SLC35D2: variants seen among roughly 807,000 people sequenced by gnomAD.
SLC35D2 encodes the protein solute carrier family 35 member D2, also known as nucleotide sugar transporter SLC35D2.
In SLC35D2, 43 loss-of-function variants were observed where a neutral mutation model predicts 41.8. The observed-to-expected ratio is 1.03, with a 90% CI of 0.81 to 1.33. The LOEUF (loss-of-function observed/expected upper bound fraction) is 1.33, where lower values mean the gene tolerates loss of function less well. SLC35D2 is among the 40% of genes most tolerant of loss of function. The probability of loss-of-function intolerance (pLI) is 0.00; values close to 1 mark genes in which losing one functional copy is unlikely to be tolerated. For missense variants in SLC35D2, 380 were observed against 408.4 expected, an observed-to-expected ratio of 0.93 and a Z score of 0.60; for synonymous variants, 150 against 163.9, an observed-to-expected ratio of 0.92 and a Z score of 0.65.
At position 96,383,569 on chromosome 9, in the gene SLC35D2, G is replaced by A. The variant is rs1456991417; in HGVS notation, c.66C>T (p.Pro22=). 3 of 1,483,956 alleles carry A rather than the reference G, an allele frequency of 2.0e-6. No homozygotes were observed. Among genetic ancestry groups the A allele is most frequent in the Non-Finnish European group, 2.7e-6 (3 of 1,116,532 alleles). 91.9% of individuals were successfully genotyped at this position (1,483,956 alleles called of 1,614,324 possible). A position where few individuals can be genotyped will look rare whatever the true frequency, so the allele number is the denominator to read the frequency against. ...AGGEPGAARL[P]SRVARLLSAL... is the part of the protein sequence containing the mutation. ...CCGACAGCAGCCGGGCCACCCGCGA[G>A]GGCAGCCGCGCCGCGCCGGGCTCCC... The change falls in exon 1 of 12, where the codon CCC becomes CCT. Residue 22 remains proline (P), a synonymous_variant. Transcript: ENST00000253270.
chr9:96,316,720 TTG>T (rs1828061622), downstream of SLC35D2, among the ~76,000 whole-genome samples: 2 of 152,170 alleles, frequency 1.3e-5, no homozygotes, highest in South Asian at 4.1e-4. Context: ...GGTGCCTTTT[TTG>T]TGTGTGTGCC....
At chr9:96,354,605 A>G (rs1287209458) in intron 4 of SLC35D2, among the ~76,000 whole-genome samples, 2 of 151,906 alleles carry the variant, frequency 1.3e-5, no homozygotes, top group African/African-American at 2.4e-5. Context: ...CACTTATACT[A>G]AAAATACAAA....
downstream of SLC35D2, among the ~76,000 whole-genome samples, chr9:96,319,726 C>G (rs1828143978): frequency 6.6e-6 from 1 of 152,100 alleles, no homozygotes; most frequent in South Asian, 2.1e-4. Context: ...CCTCAAACTC[C>G]TAGGCTCAAG....
chr9:96,380,769 G>A (rs1231698082), intron 1 of SLC35D2, among the ~76,000 whole-genome samples: 1 of 151,774 alleles, frequency 6.6e-6, no homozygotes, highest in East Asian at 1.9e-4. Flanking sequence ...CACCGCGCCC[G>A]GCCTTTTTTT....
chr9:96,326,206 A>G (rs1001472732), intron 9 of SLC35D2, among the ~76,000 whole-genome samples: 1 of 152,220 alleles, frequency 6.6e-6, no homozygotes, highest in Non-Finnish European at 1.5e-5. Context: ...TATTTCAAAG[A>G]GTTGCTTAAG....
At chr9:96,313,935 G>A (rs1827993305) in exon 12 of SLC35D2, 1 of 152,380 alleles carries the variant, frequency 6.6e-6, no homozygotes. Flanking sequence ...GGGCTTGGTA[G>A]AGAGGGCCCT....
intron 2 of SLC35D2, among the ~76,000 whole-genome samples, chr9:96,367,112 C>T (rs1369581030): frequency 1.3e-5 from 2 of 148,530 alleles, no homozygotes; most frequent in East Asian, 2.1e-4. Flanking sequence ...CCCAGGTACT[C>T]GGGAGGCTGG....
At chr9:96,325,481 G>A (rs751729455) in intron 9 of SLC35D2, among the ~76,000 whole-genome samples, 10 of 152,146 alleles carry the variant, frequency 6.6e-5, no homozygotes, top group Admixed American at 2.0e-4. Context: ...TCAGGAGTTC[G>A]AGACCAGCAT....
chr9:96,354,561 G>A (rs1237641557), intron 4 of SLC35D2, among the ~76,000 whole-genome samples: 2 of 152,138 alleles, frequency 1.3e-5, no homozygotes, highest in Non-Finnish European at 2.9e-5. Flanking sequence ...GAGGTCAGGA[G>A]TTCAAGACCA....
intron 9 of SLC35D2, among the ~76,000 whole-genome samples, chr9:96,335,932 A>ATG (rs1829031316): frequency 6.6e-6 from 1 of 152,052 alleles, no homozygotes; most frequent in African/African-American, 2.4e-5. Flanking sequence ...GCATGCCTGT[A>ATG]ATCCCAGCTA....
chr9:96,343,979 T>A lies in SLC35D2; in HGVS notation c.609A>T (p.Gly203=). The part of the protein sequence containing the change: ...KMDPKELGKY[G]VLFYNACFMI... The stretch of plus-strand genomic sequence containing the variant: ...TGAAGCAGGCATTGTAGAAAAGTAC[T>A]CCGTATTTCCCTAGCTCCTGCAAAA... Residue 203 remains glycine, a synonymous_variant, in exon 8 of 12, where the codon GGA becomes GGT. Coordinates refer to ENST00000253270, the MANE Select transcript of SLC35D2 (RefSeq NM_007001.3). 1 of 1,598,140 alleles carries A rather than the reference T, an allele frequency of 6.3e-7. No homozygotes were observed. Among genetic ancestry groups the A allele is most frequent in the Non-Finnish European group, 8.5e-7 (1 of 1,174,014 alleles).
intron 4 of SLC35D2, among the ~76,000 whole-genome samples, chr9:96,353,583 C>A (rs573985373): frequency 2.0e-5 from 3 of 152,118 alleles, no homozygotes; most frequent in Non-Finnish European, 4.4e-5. Flanking sequence ...TGATCTCAGG[C>A]GATCCACCTG....
chr9:96,347,093 GCCTCCAGCCTGAGCAACAA>G (rs1044348416), intron 6 of SLC35D2, among the ~76,000 whole-genome samples: 7 of 152,196 alleles, frequency 4.6e-5, no homozygotes, highest in African/African-American at 1.7e-4. Context: ...CCAAGATCGT[GCCTCCAGCCTGAGCAACAA>G]GAGCGAAACT....
intron 4 of SLC35D2, among the ~76,000 whole-genome samples, chr9:96,354,212 A>G (rs1829927807): frequency 6.6e-6 from 1 of 152,226 alleles, no homozygotes; most frequent in Admixed American, 6.5e-5. Context: ...GAACAAGACC[A>G]GGATGTTCAC....
chr9:96,343,582 C>CT (rs1369789791), intron 8 of SLC35D2, among the ~76,000 whole-genome samples: 1 of 152,136 alleles, frequency 6.6e-6, no homozygotes, highest in Non-Finnish European at 1.5e-5. Context: ...TGATCAAAAT[C>CT]CCCTTCTAGG....
chr9:96,379,110 C>G lies in SLC35D2; in HGVS notation c.158+4367G>C, dbSNP rs1295876791. Among the ~76,000 whole-genome samples the G allele has an allele frequency of 2.7e-5, 4 of 149,338 alleles. No individual in the cohort carries two copies. In the East Asian group the frequency reaches 7.9e-4, roughly 30 times the overall value. On this transcript the variant is annotated intron_variant, in intron 1 of 11. Coordinates refer to ENST00000253270, the MANE Select transcript of SLC35D2 (RefSeq NM_007001.3). ...CCCAGGAGTTCAAGACCAGCCCGGG[C>G]AACATAGCAAGAACCCCTCTCTACA... is the stretch of plus-strand genomic sequence containing the variant.
rs770158380 is a variant in SLC35D2 at position 96,321,185 on chromosome 9, G to C, written c.*57C>G. ...AAACCTCTGGCTTCACATTCCTACT[G>C]GGAATGCCCCCCCAGCCCGCAGTCA... On this transcript the variant is annotated 3_prime_UTR_variant, in exon 12 of 12. Coordinates refer to ENST00000253270, the MANE Select transcript of SLC35D2 (RefSeq NM_007001.3). The C allele has an allele frequency of 1.1e-5, 15 of 1,321,688 alleles. No individual in the cohort carries two copies. The highest frequency in any genetic ancestry group is 1.5e-5 in the African/African-American group (1 of 68,832). The allele number at this position is 1,321,688 out of a possible 1,614,324, so 81.9% of individuals were successfully genotyped here.
chr9:96,368,376 T>C (rs1587714997), intron 1 of SLC35D2, 71 bp from the exon 2 acceptor site: 2 of 1,108,976 alleles, frequency 1.8e-6, no homozygotes, highest in East Asian at 2.5e-5. Context: ...TAATAAATAA[T>C]GACAAGTTAT....
chr9:96,364,686 A>G (rs1159689232), intron 2 of SLC35D2, 136 bp from the exon 3 acceptor site: 5 of 682,408 alleles, frequency 7.3e-6, no homozygotes, highest in Admixed American at 2.6e-5. Context: ...TCCAGAAAAA[A>G]ATAACTATTT....
Sources: allele counts gnomAD v4.1 joint callset (sites outside exome capture counted in the v4.1 genomes callset), GRCh38; gene constraint gnomAD v4.1.1; transcripts MANE v1.5; gene names NCBI Gene and HGNC (gene_info 2026-07-23, HGNC 2026-07-21).